The following PCSK5 variants were observed in gnomAD, a reference collection of about 807,000 sequenced individuals.
PCSK5 encodes proprotein convertase subtilisin/kexin type 5.
Under a neutral mutation model 233.2 loss-of-function variants are expected in PCSK5, and 129 were observed. That is an observed-to-expected ratio of 0.55 (90% CI 0.48 to 0.64). PCSK5 has a LOEUF of 0.64. Among genes scored for constraint, PCSK5 ranks in the 30% least tolerant of loss-of-function variants. The pLI is 0.00. For synonymous variants in PCSK5, 825 were observed against 879.2 expected, an observed-to-expected ratio of 0.94 and a Z score of 1.09; for missense variants, 2,076 against 2,430.1, an observed-to-expected ratio of 0.85 and a Z score of 3.06.
At chr9:76,009,424 C>T (rs1438412273) in intron 3 of PCSK5, among the ~76,000 whole-genome samples, 6 of 151,876 alleles carry the variant, frequency 4.0e-5, no homozygotes, top group Admixed American at 2.0e-4. Flanking sequence ...GTCAGGAGAT[C>T]GAGACCAGCC....
chr9:76,284,360 G>C (rs1827986369), intron 24 of PCSK5, among the ~76,000 whole-genome samples: 1 of 152,044 alleles, frequency 6.6e-6, no homozygotes, highest in Admixed American at 6.6e-5. Flanking sequence ...TCATGATAGT[G>C]AATAAGTTTC....
At chr9:76,218,846 C>T (rs913033273) in intron 20 of PCSK5, among the ~76,000 whole-genome samples, 25 of 151,878 alleles carry the variant, frequency 1.6e-4, no homozygotes, top group African/African-American at 5.8e-4. Flanking sequence ...GCAGTAGGCA[C>T]GGAGCAAACC....
At chr9:76,073,245 G>A (rs1329760393) in intron 7 of PCSK5, among the ~76,000 whole-genome samples, 1 of 152,172 alleles carries the variant, frequency 6.6e-6, no homozygotes, top group Admixed American at 6.5e-5. Flanking sequence ...TGGGATTTTT[G>A]TTAGGGTTTT....
At chr9:76,196,749 C>G (rs896875034) in intron 20 of PCSK5, among the ~76,000 whole-genome samples, 3 of 152,168 alleles carry the variant, frequency 2.0e-5, no homozygotes, top group African/African-American at 7.2e-5. Flanking sequence ...TGGATATGTT[C>G]TCTCTCAATT....
intron 2 of PCSK5, among the ~76,000 whole-genome samples, chr9:75,933,915 A>G (rs62555892): frequency 0.1 from 15,353 of 152,282 alleles, 850 homozygotes; most frequent in Middle Eastern, 0.12. Context: ...CTCATGTACA[A>G]AATCAATGTG....
chr9:76,274,879 G>T (rs901812515), intron 24 of PCSK5, among the ~76,000 whole-genome samples: 13 of 152,138 alleles, frequency 8.5e-5, no homozygotes, highest in Admixed American at 7.9e-4. Context: ...TTCTAGCGAG[G>T]GCTCCAGGCT....
chr9:76,135,618 C>T (rs1040247954), intron 10 of PCSK5, among the ~76,000 whole-genome samples: 1 of 152,012 alleles, frequency 6.6e-6, no homozygotes, highest in African/African-American at 2.4e-5. Flanking sequence ...TTTGAAATTT[C>T]GGTTGTTCCG....
At chr9:76,094,506 TTC>T (rs1831425364) in intron 7 of PCSK5, among the ~76,000 whole-genome samples, 1 of 152,324 alleles carries the variant, frequency 6.6e-6, no homozygotes, top group Non-Finnish European at 1.5e-5. Flanking sequence ...TTTGGCTTAA[TTC>T]TCTGTTTTCT....
intron 2 of PCSK5, among the ~76,000 whole-genome samples, chr9:75,961,980 G>A (rs1825374237): frequency 6.6e-6 from 1 of 152,350 alleles, no homozygotes; most frequent in African/African-American, 2.4e-5. Context: ...GGGCAGTAGG[G>A]ATGGAGGCTG....
chr9:75,978,351 G>A (rs985560697), intron 2 of PCSK5, among the ~76,000 whole-genome samples: 11 of 152,214 alleles, frequency 7.2e-5, no homozygotes, highest in Non-Finnish European at 1.0e-4. Context: ...AAGTTACTAA[G>A]TACTTTGGGA....
intron 2 of PCSK5, among the ~76,000 whole-genome samples, chr9:75,942,800 A>G (rs958903358): frequency 2.6e-5 from 4 of 152,096 alleles, no homozygotes; most frequent in African/African-American, 7.2e-5. Context: ...GATTTTGCAT[A>G]ATCTCTTTAG....
chr9:76,150,359 C>T (rs1382236700), intron 10 of PCSK5, among the ~76,000 whole-genome samples: 4 of 152,138 alleles, frequency 2.6e-5, no homozygotes, highest in East Asian at 1.9e-4. Flanking sequence ...GGCAGCCGGG[C>T]GCAGTGGCTC....
intron 7 of PCSK5, among the ~76,000 whole-genome samples, chr9:76,074,597 T>A (rs1349328153): frequency 1.3e-5 from 2 of 152,194 alleles, no homozygotes; most frequent in Non-Finnish European, 2.9e-5. Context: ...CAGGTTAGGC[T>A]AGGATTGAGT....
At chr9:76,339,491 G>A (rs1021299716) in intron 35 of PCSK5, among the ~76,000 whole-genome samples, 4 of 151,964 alleles carry the variant, frequency 2.6e-5, no homozygotes, top group Non-Finnish European at 5.9e-5. Flanking sequence ...TGGTATAATG[G>A]TATATCTCTC....
chr9:76,196,331 C>T (rs1286223008), intron 20 of PCSK5, among the ~76,000 whole-genome samples: 2 of 152,204 alleles, frequency 1.3e-5, no homozygotes, highest in Non-Finnish European at 2.9e-5. Flanking sequence ...AGGAAGGTGG[C>T]TTTGTTCAAT....
intron 3 of PCSK5, among the ~76,000 whole-genome samples, chr9:75,996,644 A>G (rs1205360677): frequency 1.3e-5 from 2 of 152,170 alleles, no homozygotes; most frequent in African/African-American, 4.8e-5. Context: ...GATAACATCT[A>G]TTTCTGCCAG....
At chr9:76,219,246 C>T (rs1274053805) in intron 20 of PCSK5, among the ~76,000 whole-genome samples, 1 of 152,064 alleles carries the variant, frequency 6.6e-6, no homozygotes, top group East Asian at 1.9e-4. Context: ...GAATGATGAG[C>T]CAGCACTTTC....
intron 23 of PCSK5, among the ~76,000 whole-genome samples, chr9:76,240,076 G>T (rs529127590): frequency 6.6e-6 from 1 of 152,044 alleles, no homozygotes; most frequent in Non-Finnish European, 1.5e-5. Flanking sequence ...TTATAGTTTC[G>T]GCTCTCTTCT....
At chr9:76,323,346 C>T (rs1218879092) in intron 32 of PCSK5, 58 bp downstream of exon 32, 4 of 981,268 alleles carry the variant, frequency 4.1e-6, no homozygotes, top group Non-Finnish European at 4.7e-6. Context: ...CAGCCCCAGC[C>T]CCAGCGCCAG....
Sources: gnomAD v4.1 joint callset for allele counts (sites outside exome capture counted in the v4.1 genomes callset) on GRCh38, gnomAD v4.1.1 for gene constraint, MANE v1.5 for transcripts, NCBI Gene and HGNC (gene_info 2026-07-23, HGNC 2026-07-21) for gene names.